The following MINDY2 variants were observed in gnomAD, a reference collection of about 807,000 sequenced individuals.
The protein encoded by MINDY2 is ubiquitin carboxyl-terminal hydrolase MINDY-2.
A neutral mutation model predicts 68.2 loss-of-function variants in MINDY2; 52 were observed. The ratio of observed to expected loss-of-function variants is 0.76; its 90% CI spans 0.61 to 0.96. The LOEUF is 0.96. Ranked by LOEUF, MINDY2 falls within the 40% of genes least tolerant of loss-of-function variation. The pLI is 0.00. For synonymous variants in MINDY2, 372 were observed against 303.0 expected (o/e 1.23, Z -2.36); for missense variants, 881 against 773.4 (o/e 1.14, Z -1.65).
intron 2 of MINDY2, among the ~76,000 whole-genome samples, chr15:58,795,571 A>C (rs1245649762): frequency 6.6e-6 from 1 of 151,622 alleles, no homozygotes; most frequent in Non-Finnish European, 1.5e-5. Flanking sequence ...CGCCCAGCTA[A>C]TTTTTTGTAT....
At chr15:58,830,584 A>G (rs2031656577) in intron 5 of MINDY2, among the ~76,000 whole-genome samples, 1 of 152,128 alleles carries the variant, frequency 6.6e-6, no homozygotes, top group South Asian at 2.1e-4. Flanking sequence ...GTGATACTCA[A>G]CCTGTATAAC....
intron 5 of MINDY2, among the ~76,000 whole-genome samples, chr15:58,827,434 A>T (rs1265927689): frequency 6.6e-6 from 1 of 151,820 alleles, no homozygotes; most frequent in African/African-American, 2.4e-5. Context: ...TTTCCCCATT[A>T]AAAAAAATTG....
At chr15:58,820,362 T>C (rs2030982990) in intron 4 of MINDY2, among the ~76,000 whole-genome samples, 1 of 151,534 alleles carries the variant, frequency 6.6e-6, no homozygotes, top group South Asian at 2.1e-4. Context: ...GAGAATCACT[T>C]GAACCCAGGA....
chr15:58,792,069 G>A (rs12591310), intron 2 of MINDY2, among the ~76,000 whole-genome samples: 24,248 of 152,080 alleles, frequency 0.16, 2,181 homozygotes, highest in South Asian at 0.34. Flanking sequence ...AAAATTGACT[G>A]TTGATTTAGC....
intron 1 of MINDY2, among the ~76,000 whole-genome samples, chr15:58,773,272 G>A (rs773658874): frequency 2.0e-5 from 3 of 152,142 alleles, no homozygotes; most frequent in Non-Finnish European, 4.4e-5. Context: ...GCAATACAGT[G>A]AGACCCTATA....
intron 1 of MINDY2, among the ~76,000 whole-genome samples, chr15:58,774,183 C>G (rs1157688501): frequency 6.6e-6 from 1 of 152,094 alleles, no homozygotes; most frequent in Non-Finnish European, 1.5e-5. Context: ...GCGTGAGGTA[C>G]TAGAAATGCA....
chr15:58,834,423 A>T (rs561808608), intron 6 of MINDY2, among the ~76,000 whole-genome samples: 5 of 152,120 alleles, frequency 3.3e-5, no homozygotes, highest in Admixed American at 6.5e-5. Flanking sequence ...ACTCTCCTCA[A>T]ACCAGTGGTT....
chr15:58,788,862 AT>A (rs1901684940), intron 2 of MINDY2, among the ~76,000 whole-genome samples: 3 of 151,982 alleles, frequency 2.0e-5, no homozygotes, highest in Admixed American at 2.0e-4. Context: ...AAATACAAAA[AT>A]TAGCCAGGCG....
At chr15:58,824,805 G>A (rs2031291969) in intron 5 of MINDY2, among the ~76,000 whole-genome samples, 1 of 151,916 alleles carries the variant, frequency 6.6e-6, no homozygotes, top group East Asian at 1.9e-4. Context: ...GAGTAGCTGG[G>A]ACTACAGGCA....
At chr15:58,830,440 G>T (rs1466305083) in intron 5 of MINDY2, among the ~76,000 whole-genome samples, 2 of 152,102 alleles carry the variant, frequency 1.3e-5, no homozygotes, top group African/African-American at 4.8e-5. Flanking sequence ...ACGCTCACAG[G>T]AAATGCTCAT....
At chr15:58,852,948 TTTTTTTTTTTTTTTTTTTTTTTA>T (rs2032902143) in intron 8 of MINDY2, among the ~76,000 whole-genome samples, 4 of 44,596 alleles carry the variant, frequency 9.0e-5, no homozygotes, top group Admixed American at 2.6e-4. Flanking sequence ...TTTTTTTTTT[TTTTTTTTTTTTTTTTTTTTTTTA>T]AGACAGAGTC....
intron 2 of MINDY2, among the ~76,000 whole-genome samples, chr15:58,798,817 G>A (rs553980155): frequency 6.6e-6 from 1 of 152,172 alleles, no homozygotes; most frequent in African/African-American, 2.4e-5. Context: ...TCAACATGTA[G>A]TTAGTGGGGC....
Position 58,834,462 on chromosome 15 carries a change from A to G in MINDY2, c.1368+2546A>G, listed in dbSNP as rs115894252. On this transcript the variant is annotated intron_variant, in intron 6 of 8. Coordinates refer to ENST00000559228, the MANE Select transcript of MINDY2 (RefSeq NM_001040450.3). ...AACCCAAATTGTATGCTAAAACTGT[A>G]TGGGAGGCTTTTTTAAAACTGCCAA... 7.8e-3 allele frequency among the ~76,000 whole-genome samples: 1,192 copies of G among 152,316 alleles called. 19 individuals are homozygous for G. Among genetic ancestry groups the G allele is most frequent in the African/African-American group, 0.027 (1,138 of 41,564 alleles).
At chr15:58,824,872 G>A (rs2031295520) in intron 5 of MINDY2, among the ~76,000 whole-genome samples, 1 of 152,010 alleles carries the variant, frequency 6.6e-6, no homozygotes, top group South Asian at 2.1e-4. Flanking sequence ...ATTTCACCAT[G>A]TTGGCCAGGC....
intron 3 of MINDY2, among the ~76,000 whole-genome samples, chr15:58,803,254 C>T (rs1321474002): frequency 6.9e-6 from 1 of 144,084 alleles, no homozygotes; most frequent in Non-Finnish European, 1.5e-5. Flanking sequence ...ATCACGAAGT[C>T]AGGAGATGGA....
intron 4 of MINDY2, among the ~76,000 whole-genome samples, chr15:58,819,717 T>C (rs1319171485): frequency 1.3e-5 from 2 of 152,136 alleles, no homozygotes; most frequent in Non-Finnish European, 2.9e-5. Context: ...CTTACTGAAG[T>C]TGAGTCACTA....
chr15:58,788,553 G>A (rs183158876), intron 2 of MINDY2, among the ~76,000 whole-genome samples: 5 of 152,276 alleles, frequency 3.3e-5, no homozygotes, highest in East Asian at 1.9e-4. Context: ...CAGACCAGTA[G>A]TACAGTTTGT....
At chr15:58,788,994 G>T (rs1302434583) in intron 2 of MINDY2, among the ~76,000 whole-genome samples, 1 of 149,948 alleles carries the variant, frequency 6.7e-6, no homozygotes, top group African/African-American at 2.5e-5. Context: ...CCTGGGTGAT[G>T]GAGTGAGACT....
rs1387833359 is a variant in MINDY2 at position 58,771,721 on chromosome 15, C to T, written c.326C>T (p.Thr109Ile). Residue 109 changes from threonine (T) to isoleucine (I), a missense_variant, in exon 1 of 9, where the codon ACC becomes ATC. By Grantham distance (89) the Thr-to-Ile change is moderately conservative. Transcript: ENST00000559228. ...CCTCTGAGAGGGCAGTACAAGGTGA[C>T]CGCCTCCCCGGAGACAGCCGTGGCC... The part of the protein sequence containing the change: ...EAPLRGQYKV[T>I]ASPETAVAGV... The T allele has an allele frequency of 6.2e-7, 1 of 1,611,944 alleles. No homozygotes were observed. The highest frequency in any genetic ancestry group is 8.5e-7 in the Non-Finnish European group (1 of 1,179,612).
Sources: allele counts gnomAD v4.1 joint callset (sites outside exome capture counted in the v4.1 genomes callset), GRCh38; gene constraint gnomAD v4.1.1; transcripts MANE v1.5; gene names NCBI Gene and HGNC (gene_info 2026-07-23, HGNC 2026-07-21).